The following SPTAN1 variants were observed in gnomAD, a reference collection of about 807,000 sequenced individuals.
SPTAN1 encodes spectrin alpha, non-erythrocytic 1.
In SPTAN1, 61 loss-of-function variants were observed where a neutral mutation model predicts 331.3. That is an observed-to-expected ratio of 0.18 (90% CI 0.15 to 0.23). The LOEUF (loss-of-function observed/expected upper bound fraction) is 0.23, where lower values mean the gene tolerates loss of function less well. Ranked by LOEUF, SPTAN1 falls within the 10% of genes least tolerant of loss-of-function variation. SPTAN1 has a pLI of 1.00. For synonymous variants in SPTAN1, 1,153 were observed against 1,173.9 expected, an observed-to-expected ratio of 0.98 and a Z score of 0.36; for missense variants, 2,043 against 3,147.9, an observed-to-expected ratio of 0.65 and a Z score of 8.40.
At chr9:128,623,705 C>G (rs1858270915) in intron 45 of SPTAN1, among the ~76,000 whole-genome samples, 1 of 150,932 alleles carries the variant, frequency 6.6e-6, no homozygotes, top group African/African-American at 2.4e-5. Context: ...AACCCCTGGC[C>G]TCAAATGATC....
rs750853937 is a variant in SPTAN1, at chr9:128,581,182, A to T, written c.1461+123A>T. The T allele has an allele frequency of 1.6e-4, 220 of 1,360,864 alleles. No individual in the cohort carries two copies. The highest frequency in any genetic ancestry group is 2.1e-4 in the Non-Finnish European group (204 of 988,596). The allele number at this position is 1,360,864 out of a possible 1,614,324, so 84.3% of individuals were successfully genotyped here. The stretch of plus-strand genomic sequence containing the variant: ...CATGTTAGTTCTGAATCCATTGAAG[A>T]GGGGGAATTGAGCAAGCTTCTCTCA... On this transcript the variant is annotated intron_variant, in intron 11 of 56. Transcript: ENST00000372739.
At chr9:128,601,047 G>C (rs1589281101) in intron 27 of SPTAN1, among the ~76,000 whole-genome samples, 1 of 132,890 alleles carries the variant, frequency 7.5e-6, no homozygotes, top group East Asian at 2.3e-4. Context: ...GCAGTGGCAC[G>C]ATCTCAGCTC....
At chr9:128,587,746 C>G (rs1416747119) in intron 20 of SPTAN1, 48 bp downstream of exon 20, 21 of 1,521,784 alleles carry the variant, frequency 1.4e-5, no homozygotes, top group Non-Finnish European at 1.7e-5. Context: ...CCTTGAAGGA[C>G]TCAGATACTG....
At position 128,632,678 on chromosome 9, in the gene SPTAN1, C is replaced by G; in HGVS notation, c.7120C>G (p.Pro2374Ala). The change falls in exon 55 of 57, where the codon CCT (proline) becomes GCT (alanine). Residue 2374 changes from proline (P) to alanine (A), a missense_variant. By Grantham distance (27) the Pro-to-Ala change is conservative. This residue lies in a region of SPTAN1 where 58 missense variants were observed against 74.0 expected (regional missense o/e 0.78). Coordinates refer to ENST00000372739, the MANE Select transcript of SPTAN1 (RefSeq NM_001130438.3). ...CATGGTGGAGGAAGGGGAACCTGAC[C>G]CTGAGTTCGAGGCAATCCTGGACAC... Reference protein sequence around the residue: ...LPMVEEGEPDPEFEAILDTVD... With the variant: ...LPMVEEGEPDAEFEAILDTVD... 1.9e-6 allele frequency: 3 copies of G among 1,613,982 alleles called. No individual in the cohort carries two copies. The highest frequency in any genetic ancestry group is 1.1e-5 in the South Asian group (1 of 91,084).
In SPTAN1 at chr9:128,581,711, C is replaced by G. The variant is rs1271544062; in HGVS notation, c.1462-71C>G. 3 of 1,254,858 alleles carry G rather than the reference C, an allele frequency of 2.4e-6. No homozygotes were observed. In the African/African-American group the frequency reaches 4.4e-5, roughly 19 times the overall value. 77.7% of individuals were successfully genotyped at this position (1,254,858 alleles called of 1,614,324 possible). A position where few individuals can be genotyped will look rare whatever the true frequency, so the allele number is the denominator to read the frequency against. ...TCTTTTTATATTTTGGCCAAAATAC[C>G]CTTTGCTTCACAGTCTTAGAAGATC... On this transcript the variant is annotated intron_variant, in intron 11 of 56. Transcript: ENST00000372739.
At chr9:128,622,402 C>T (rs1016594672) in intron 45 of SPTAN1, among the ~76,000 whole-genome samples, 1 of 143,686 alleles carries the variant, frequency 7.0e-6, no homozygotes, top group Admixed American at 7.3e-5. Context: ...CAGGTTGAAA[C>T]GATGCTTCTG....
chr9:128,600,521 G>A (rs1854973505), intron 27 of SPTAN1, among the ~76,000 whole-genome samples: 1 of 152,176 alleles, frequency 6.6e-6, no homozygotes, highest in Non-Finnish European at 1.5e-5. Flanking sequence ...AGGCTTCAGA[G>A]ATGCCCAATA....
rs562584290 is a variant in SPTAN1, at chr9:128,619,833, C to T, written c.5733+830C>T. Among the ~76,000 whole-genome samples the T allele has an allele frequency of 8.5e-5, 13 of 152,362 alleles. No individual in the cohort carries two copies. The South Asian group carries it at 1.7e-3, about 19-fold the overall frequency. On this transcript the variant is annotated intron_variant, in intron 44 of 56. Transcript: ENST00000372739. ...GCCTAAATGTAGTGGTTGAAAGCAG[C>T]ACCCATTTCTTACTTCCAATGGATC... is the stretch of plus-strand genomic sequence containing the variant.
chr9:128,595,068 C>G (rs1282127069), intron 24 of SPTAN1, among the ~76,000 whole-genome samples: 1 of 151,790 alleles, frequency 6.6e-6, no homozygotes, highest in African/African-American at 2.4e-5. Flanking sequence ...CCTCAGCCTC[C>G]CAAAGTACTG....
intron 1 of SPTAN1, among the ~76,000 whole-genome samples, chr9:128,560,098 T>TTTC (rs1334310582): frequency 2.0e-5 from 3 of 150,216 alleles, no homozygotes; most frequent in Non-Finnish European, 4.4e-5. Context: ...TTTTTTTTTT[T>TTTC]TAAGAGACAG....
intron 49 of SPTAN1, chr9:128,626,980 A>C: frequency 1.7e-6 from 1 of 581,656 alleles, no homozygotes; most frequent in South Asian, 1.6e-5. Context: ...ACGCCTGGCT[A>C]ATTATTTTAA....
chr9:128,612,077 T>C, intron 38 of SPTAN1, 32 bp from the exon 39 acceptor site: 1 of 1,614,078 alleles, frequency 6.2e-7, no homozygotes, highest in Non-Finnish European at 8.5e-7. Flanking sequence ...TTCATAGATT[T>C]CATCTCTTTT....
In SPTAN1 at chr9:128,582,715, C is replaced by T. The variant is rs1365256448; in HGVS notation, c.1672C>T (p.Leu558Phe). The T allele has an allele frequency of 1.2e-6, 2 of 1,613,700 alleles. No individual in the cohort carries two copies. Among genetic ancestry groups the T allele is most frequent in the Admixed American group, 1.7e-5 (1 of 60,000 alleles). ...RDALLSRRNA[L>F]HERAMRRRAQ... ...TCAGCTGTTGAGCCGCCGCAATGCC[C>T]TTCACGAGAGAGCCATGCGTCGCCG... Residue 558 changes from leucine to phenylalanine, a missense_variant, in exon 14 of 57, where the codon CTT becomes TTT. By Grantham distance (22) the Leu-to-Phe change is conservative. Coordinates refer to ENST00000372739, the MANE Select transcript of SPTAN1 (RefSeq NM_001130438.3).
chr9:128,631,104 C>CA (rs1564327337), intron 52 of SPTAN1, among the ~76,000 whole-genome samples: 1 of 152,220 alleles, frequency 6.6e-6, no homozygotes, highest in Non-Finnish European at 1.5e-5. Flanking sequence ...CTCAGCCTCC[C>CA]AAAGTGCTGG....
intron 32 of SPTAN1, 47 bp from the exon 33 acceptor site, chr9:128,607,805 G>C: frequency 6.2e-7 from 1 of 1,612,518 alleles, no homozygotes; most frequent in Non-Finnish European, 8.5e-7. Flanking sequence ...TGACGTCAGA[G>C]TGGGCATCTG....
At chr9:128,558,422 C>T (rs1484260620) in intron 1 of SPTAN1, among the ~76,000 whole-genome samples, 6 of 152,102 alleles carry the variant, frequency 3.9e-5, no homozygotes, top group Non-Finnish European at 7.3e-5. Flanking sequence ...AGAGAATATA[C>T]TTAGCACTTC....
intron 24 of SPTAN1, among the ~76,000 whole-genome samples, chr9:128,596,896 A>T (rs1018583054): frequency 6.6e-6 from 1 of 152,164 alleles, no homozygotes; most frequent in Non-Finnish European, 1.5e-5. Context: ...CCAGTGGCGC[A>T]TGCCTGTAAT....
chr9:128,584,370 C>T lies in SPTAN1; in HGVS notation c.2282C>T (p.Ala761Val), dbSNP rs770359554. Reference sequence around the variant, plus strand: ...GAAAACATCAAGAAGAAACAGGAAGCCCTCGTGGCTCGCTATGAGGCACTC... The same window carrying T: ...GAAAACATCAAGAAGAAACAGGAAGTCCTCGTGGCTCGCTATGAGGCACTC... ...DAENIKKKQEALVARYEALKE... is the reference protein window; with the variant it reads ...DAENIKKKQEVLVARYEALKE... Residue 761 changes from alanine (A) to valine (V), a missense_variant, in exon 17 of 57, where the codon GCC (alanine) becomes GTC (valine). Ala to Val is a moderately conservative substitution (Grantham distance 64). Coordinates refer to ENST00000372739, the MANE Select transcript of SPTAN1 (RefSeq NM_001130438.3). 6.2e-7 allele frequency: 1 copy of T among 1,614,162 alleles called. No homozygotes were observed.
intron 19 of SPTAN1, among the ~76,000 whole-genome samples, chr9:128,587,310 C>T (rs562271310): frequency 1.3e-5 from 2 of 152,236 alleles, no homozygotes; most frequent in South Asian, 4.1e-4. Flanking sequence ...GTCTTGAACT[C>T]CTGGGCTCAA....
Sources: allele counts gnomAD v4.1 joint callset (sites outside exome capture counted in the v4.1 genomes callset), GRCh38; gene constraint gnomAD v4.1.1; regional missense constraint gnomAD v4.1.1; transcripts MANE v1.5; gene names NCBI Gene and HGNC (gene_info 2026-07-23, HGNC 2026-07-21).